Variants in LRRTM3 observed in about 807,000 individuals in gnomAD.
The protein encoded by LRRTM3 is leucine rich repeat transmembrane neuronal 3.
A neutral mutation model predicts 44.7 loss-of-function variants in LRRTM3; 24 were observed. That is an observed-to-expected ratio of 0.54 (90% CI 0.39 to 0.76). The LOEUF (loss-of-function observed/expected upper bound fraction) is 0.76. Among genes scored for constraint, LRRTM3 ranks in the 30% least tolerant of loss-of-function variants. The pLI is 0.00. For missense variants in LRRTM3, 587 were observed against 702.2 expected, an observed-to-expected ratio of 0.84 and a Z score of 1.85; for synonymous variants, 277 against 278.7, an observed-to-expected ratio of 0.99 and a Z score of 0.06.
chr10:67,029,899 C>T (rs897762892), intron 2 of LRRTM3, among the ~76,000 whole-genome samples: 1 of 152,208 alleles, frequency 6.6e-6, no homozygotes, highest in Non-Finnish European at 1.5e-5. Flanking sequence ...CTGCACTGGA[C>T]AATCCAGATA....
At chr10:67,042,250 C>T (rs1200662309) in intron 2 of LRRTM3, among the ~76,000 whole-genome samples, 1 of 151,988 alleles carries the variant, frequency 6.6e-6, no homozygotes, top group Admixed American at 6.6e-5. Context: ...GAAGCCTGAA[C>T]CCAAATGGGC....
chr10:66,936,737 G>C (rs574539941), intron 2 of LRRTM3, among the ~76,000 whole-genome samples: 1 of 152,182 alleles, frequency 6.6e-6, no homozygotes, highest in Admixed American at 6.5e-5. Context: ...TTTGGAAGTA[G>C]TATCCATATT....
intron 2 of LRRTM3, among the ~76,000 whole-genome samples, chr10:67,090,979 A>G (rs925802002): frequency 6.6e-6 from 1 of 152,052 alleles, no homozygotes; most frequent in African/African-American, 2.4e-5. Flanking sequence ...TTAGTGACAA[A>G]ATTTTCAAGC....
intron 2 of LRRTM3, among the ~76,000 whole-genome samples, chr10:67,086,698 G>A (rs904001412): frequency 4.0e-5 from 6 of 151,886 alleles, no homozygotes; most frequent in Non-Finnish European, 7.4e-5. Flanking sequence ...AATGTTCAGG[G>A]AAATCATATA....
Position 67,010,802 on chromosome 10 carries a change from AT to A in LRRTM3, c.1536+82353del, listed in dbSNP as rs1852276132. 3.3e-5 allele frequency among the ~76,000 whole-genome samples: 5 copies of A among 152,322 alleles called. No homozygotes were observed. The South Asian group carries it at 1.0e-3, about 32-fold the overall frequency. On this transcript the variant is annotated intron_variant, in intron 2 of 2. Transcript: ENST00000361320. ...ACAGAAAGGATTTGAGCATATCCAT[AT>A]TTGTATGCCCAGTTCTCAGCAGAGT...
chr10:66,973,350 G>A (rs963191320), intron 2 of LRRTM3, among the ~76,000 whole-genome samples: 4 of 152,100 alleles, frequency 2.6e-5, no homozygotes, highest in African/African-American at 7.2e-5. Context: ...TTGATATGAC[G>A]CTAACATCAA....
At chr10:67,095,413 G>A (rs995571284) in intron 2 of LRRTM3, among the ~76,000 whole-genome samples, 2 of 151,690 alleles carry the variant, frequency 1.3e-5, no homozygotes, top group African/African-American at 2.4e-5. Flanking sequence ...ATATCCAACA[G>A]TAAGAAACTC....
In LRRTM3 at chr10:66,926,569, T is replaced by C. The variant is rs1484284763; in HGVS notation, c.-15T>C. 1 of 1,613,956 alleles carries C rather than the reference T, an allele frequency of 6.2e-7. No individual in the cohort carries two copies. The highest frequency in any genetic ancestry group is 1.7e-5 in the Admixed American group (1 of 59,974). ...AAGCAAAAGACCTAAGGACGACCTT[T>C]GAACAATACAAAGGATGGGTATGTT... On this transcript the variant is annotated 5_prime_UTR_variant, in exon 1 of 3. Coordinates refer to ENST00000361320, the MANE Select transcript of LRRTM3 (RefSeq NM_178011.5).
chr10:66,926,921 G>A lies in LRRTM3; in HGVS notation c.5G>A (p.Gly2Asp), dbSNP rs1174222445. The A allele has an allele frequency of 1.3e-6, 2 of 1,555,608 alleles. No individual in the cohort carries two copies. The highest frequency in any genetic ancestry group is 1.7e-6 in the Non-Finnish European group (2 of 1,153,740). ...TTTTCTAAGTTGTTTTTATTTCCAG[G>A]TTTCAATGTAATTAGGCTACTGAGC... is the stretch of plus-strand genomic sequence containing the variant. M[G>D]FNVIRLLSGS... Residue 2 changes from glycine to aspartate, a missense_variant and splice_region_variant, in exon 2 of 3, where the codon GGT becomes GAT. Coordinates refer to ENST00000361320, the MANE Select transcript of LRRTM3 (RefSeq NM_178011.5).
At chr10:67,045,497 G>A (rs1232504706) in intron 2 of LRRTM3, among the ~76,000 whole-genome samples, 2 of 152,084 alleles carry the variant, frequency 1.3e-5, no homozygotes, top group Middle Eastern at 3.2e-3. Context: ...AGATCGCGGC[G>A]AGGGAACTGT....
chr10:66,960,447 G>A (rs1589497164), intron 2 of LRRTM3, among the ~76,000 whole-genome samples: 1 of 152,088 alleles, frequency 6.6e-6, no homozygotes, highest in African/African-American at 2.4e-5. Flanking sequence ...AAACCCTACA[G>A]CAAAACAGAA....
intron 2 of LRRTM3, among the ~76,000 whole-genome samples, chr10:67,087,682 C>G (rs1357506698): frequency 6.6e-6 from 1 of 151,838 alleles, no homozygotes; most frequent in Non-Finnish European, 1.5e-5. Flanking sequence ...CATTTTAGCC[C>G]TCTACCTCTA....
At chr10:66,982,672 G>A (rs942578143) in intron 2 of LRRTM3, among the ~76,000 whole-genome samples, 3 of 152,148 alleles carry the variant, frequency 2.0e-5, no homozygotes, top group African/African-American at 7.2e-5. Flanking sequence ...GAATAAAAGA[G>A]ATCAATGAAT....
In LRRTM3 at chr10:67,099,538, G is replaced by A. The variant is rs1858212112; in HGVS notation, c.*1742G>A. The A allele has an allele frequency of 6.6e-6, 1 of 152,092 alleles. No individual in the cohort carries two copies. Among genetic ancestry groups the A allele is most frequent in the African/African-American group, 2.4e-5 (1 of 41,370 alleles). 9.4% of individuals were successfully genotyped at this position (152,092 alleles called of 1,614,324 possible). A position where few individuals can be genotyped will look rare whatever the true frequency, so the allele number is the denominator to read the frequency against. ...AAAGAAGTTATATCTATAAAATCTA[G>A]TTTTATGCAGGTTTGTCACAGCAAA... On this transcript the variant is annotated 3_prime_UTR_variant, in exon 3 of 3. Coordinates refer to ENST00000361320, the MANE Select transcript of LRRTM3 (RefSeq NM_178011.5).
intron 2 of LRRTM3, among the ~76,000 whole-genome samples, chr10:67,067,011 T>C (rs1856134205): frequency 1.3e-5 from 2 of 152,312 alleles, no homozygotes; most frequent in African/African-American, 4.8e-5. Flanking sequence ...TAGGCAATTA[T>C]GTGTCAATTC....
At chr10:66,988,719 T>C (rs1042205139) in intron 2 of LRRTM3, among the ~76,000 whole-genome samples, 2 of 152,156 alleles carry the variant, frequency 1.3e-5, no homozygotes, top group African/African-American at 2.4e-5. Flanking sequence ...CTCTGAATAC[T>C]AGGAACTAAA....
At chr10:67,088,867 C>T (rs1857457637) in intron 2 of LRRTM3, among the ~76,000 whole-genome samples, 2 of 151,868 alleles carry the variant, frequency 1.3e-5, no homozygotes, top group Admixed American at 1.3e-4. Flanking sequence ...TCCATAGGTT[C>T]TACATCCATA....
intron 2 of LRRTM3, among the ~76,000 whole-genome samples, chr10:67,043,558 C>T (rs1854541432): frequency 6.6e-6 from 1 of 152,166 alleles, no homozygotes; most frequent in African/African-American, 2.4e-5. Flanking sequence ...CTGTAACACT[C>T]TGAATCTCAC....
chr10:67,070,864 T>C (rs1009614149), intron 2 of LRRTM3, among the ~76,000 whole-genome samples: 1 of 152,220 alleles, frequency 6.6e-6, no homozygotes, highest in Non-Finnish European at 1.5e-5. Context: ...ATATTCTTTT[T>C]TTCTCATAAC....
Sources: allele counts gnomAD v4.1 joint callset (sites outside exome capture counted in the v4.1 genomes callset), GRCh38; gene constraint gnomAD v4.1.1; transcripts MANE v1.5; gene names NCBI Gene and HGNC (gene_info 2026-07-23, HGNC 2026-07-21).